The following DZANK1 variants were observed in gnomAD, a reference collection of about 807,000 sequenced individuals.
The protein encoded by DZANK1 is double zinc ribbon and ankyrin repeat-containing protein 1.
DZANK1 carries 91 observed loss-of-function variants against 94.5 expected under a neutral mutation model. The observed-to-expected ratio is 0.96, with a 90% CI of 0.81 to 1.15. The LOEUF is 1.15. Ranked by LOEUF, DZANK1 falls within the 50% of genes most tolerant of loss-of-function variation. DZANK1 has a pLI of 0.00. For missense variants in DZANK1, 903 were observed against 916.4 expected (o/e 0.99, Z 0.19); for synonymous variants, 312 against 325.3 (o/e 0.96, Z 0.44).
At chr20:18,391,190 C>A (rs1555848696) in intron 17 of DZANK1, among the ~76,000 whole-genome samples, 1 of 151,690 alleles carries the variant, frequency 6.6e-6, no homozygotes, top group Non-Finnish European at 1.5e-5. Flanking sequence ...GACTCTGTCT[C>A]AAAAAACAAA....
intron 19 of DZANK1, among the ~76,000 whole-genome samples, chr20:18,387,505 T>TG (rs1279683617): frequency 6.6e-6 from 1 of 152,242 alleles, no homozygotes; most frequent in Non-Finnish European, 1.5e-5. Flanking sequence ...AGTAGACTGA[T>TG]GCTTGCATCT....
chr20:18,410,281 A>G (rs1203048768), intron 13 of DZANK1, among the ~76,000 whole-genome samples: 2 of 152,196 alleles, frequency 1.3e-5, no homozygotes, highest in Non-Finnish European at 2.9e-5. Context: ...ATAATGCCAC[A>G]AAAGTTGGGA....
At chr20:18,438,265 A>G (rs1397085770) in intron 8 of DZANK1, among the ~76,000 whole-genome samples, 2 of 151,292 alleles carry the variant, frequency 1.3e-5, no homozygotes, top group Non-Finnish European at 2.9e-5. Context: ...AAAGCAGTAA[A>G]CGAGGGAAAA....
chr20:18,412,753 G>T (rs2057318418), exon 13 of DZANK1: 3 of 1,613,826 alleles, frequency 1.9e-6, no homozygotes, highest in East Asian at 4.5e-5. Flanking sequence ...CAGCTTGCCA[G>T]ATGGGTAGAA....
chr20:18,396,383 C>G, intron 15 of DZANK1, 89 bp downstream of exon 15: 1 of 1,112,442 alleles, frequency 9.0e-7, no homozygotes, highest in Non-Finnish European at 1.3e-6. Context: ...CTTTTCCTTT[C>G]TATGGATTAC....
intron 4 of DZANK1, 36 bp downstream of exon 4, chr20:18,455,211 G>A (rs753542049): frequency 1.5e-5 from 23 of 1,513,324 alleles, no homozygotes; most frequent in Non-Finnish European, 2.1e-5. Flanking sequence ...CCAAAATACA[G>A]TGACAATCTG....
At chr20:18,451,081 G>T (rs1418102989) in intron 6 of DZANK1, among the ~76,000 whole-genome samples, 1 of 152,150 alleles carries the variant, frequency 6.6e-6, no homozygotes, top group East Asian at 1.9e-4. Flanking sequence ...GAGTAGCTGG[G>T]ACTACAGGTG....
chr20:18,436,036 A>G (rs1282543660), intron 8 of DZANK1, among the ~76,000 whole-genome samples: 1 of 152,178 alleles, frequency 6.6e-6, no homozygotes, highest in Non-Finnish European at 1.5e-5. Flanking sequence ...AAAGTGACCT[A>G]CACTCAGAGG....
chr20:18,432,769 G>A (rs2058334276), intron 9 of DZANK1: 1 of 152,016 alleles, frequency 6.6e-6, no homozygotes, highest in South Asian at 2.1e-4. Context: ...ATCCTCTAGT[G>A]ACCTTTACTT....
intron 6 of DZANK1, chr20:18,451,988 T>C (rs1456177384): frequency 1.4e-5 from 7 of 512,520 alleles, no homozygotes; most frequent in Middle Eastern, 3.2e-4. Context: ...CATTTACAAT[T>C]AGAATAGAAT....
intron 19 of DZANK1, among the ~76,000 whole-genome samples, chr20:18,385,463 T>C (rs1259281656): frequency 6.6e-6 from 1 of 152,046 alleles, no homozygotes; most frequent in African/African-American, 2.4e-5. Context: ...TCACCCATGG[T>C]GGAGTGCAGT....
chr20:18,454,346 C>T, intron 4 of DZANK1: 2 of 226,842 alleles, frequency 8.8e-6, no homozygotes, highest in Non-Finnish European at 1.7e-5. Flanking sequence ...GCCTTGATCA[C>T]ACTTGAGTCC....
chr20:18,440,275 C>T (rs773539737), intron 8 of DZANK1, among the ~76,000 whole-genome samples: 2 of 152,246 alleles, frequency 1.3e-5, no homozygotes, highest in African/African-American at 4.8e-5. Context: ...TTCTGCTATC[C>T]CAATCTCATT....
chr20:18,424,232 C>T (rs111839307), intron 10 of DZANK1, among the ~76,000 whole-genome samples: 3,733 of 152,140 alleles, frequency 0.025, 71 homozygotes, highest in African/African-American at 0.047. Flanking sequence ...GGTGGATCAC[C>T]TGAGGTCAGT....
rs768238850 is a variant in DZANK1 at position 18,385,104 on chromosome 20, A to G, written c.2019-14T>C. The G allele has an allele frequency of 5.9e-5, 92 of 1,551,100 alleles. No homozygotes were observed. Among genetic ancestry groups the G allele is most frequent in the African/African-American group, 1.4e-4 (10 of 72,984 alleles). The stretch of plus-strand genomic sequence containing the variant: ...GTATTTCTGAGCCTAATGAGGGGGG[A>G]AAAATCCTGGATAAATCCTTAGTTA... On this transcript the variant is annotated splice_polypyrimidine_tract_variant and intron_variant, in intron 19 of 20. Transcript: ENST00000262547.
chr20:18,403,293 G>A (rs1422733999), intron 13 of DZANK1, among the ~76,000 whole-genome samples: 1 of 152,188 alleles, frequency 6.6e-6, no homozygotes, highest in Non-Finnish European at 1.5e-5. Context: ...AATGTTGGGA[G>A]AAGCAAGTCA....
At chr20:18,394,175 T>C in intron 16 of DZANK1, 79 bp downstream of exon 16, 4 of 1,252,222 alleles carry the variant, frequency 3.2e-6, no homozygotes, top group Non-Finnish European at 4.5e-6. Context: ...GTCAAACTCT[T>C]AGCAGTTCTC....
intron 20 of DZANK1, 125 bp downstream of exon 20, chr20:18,384,890 TG>T: frequency 2.2e-6 from 2 of 903,782 alleles, no homozygotes; most frequent in Non-Finnish European, 3.4e-6. Flanking sequence ...GAAGCCATGG[TG>T]GGATGGTGGT....
intron 13 of DZANK1, among the ~76,000 whole-genome samples, chr20:18,408,792 T>A (rs1022577393): frequency 6.6e-6 from 1 of 152,150 alleles, no homozygotes; most frequent in Non-Finnish European, 1.5e-5. Flanking sequence ...AAGAAAAGGA[T>A]GTTAATGAGC....
Sources: gnomAD v4.1 joint callset for allele counts (sites outside exome capture counted in the v4.1 genomes callset) on GRCh38, gnomAD v4.1.1 for gene constraint, MANE v1.5 for transcripts, NCBI Gene and HGNC (gene_info 2026-07-23, HGNC 2026-07-21) for gene names.